The following ACD variants were observed in gnomAD, a reference collection of about 807,000 sequenced individuals.
ACD encodes adrenocortical dysplasia protein homolog.
ACD carries 39 observed loss-of-function variants against 53.9 expected under a neutral mutation model. The observed-to-expected ratio is 0.72, with a 90% CI of 0.56 to 0.95. The LOEUF (loss-of-function observed/expected upper bound fraction) is 0.95. ACD is among the 40% of genes least tolerant of loss of function. The probability of loss-of-function intolerance (pLI) is 0.00; values close to 1 mark genes in which losing one functional copy is unlikely to be tolerated. For missense variants in ACD, 526 were observed against 587.9 expected (o/e 0.89, Z 1.09); for synonymous variants, 273 against 249.2 (o/e 1.10, Z -0.90).
At chr16:67,659,134 G>A in intron 6 of ACD, 55 bp from the exon 7 acceptor site, 2 of 1,608,750 alleles carry the variant, frequency 1.2e-6, no homozygotes, top group Non-Finnish European at 1.7e-6. Context: ...GACCAGGAGG[G>A]TGAGGGGGAA....
intron 9 of ACD, 21 bp from the exon 10 acceptor site, chr16:67,658,383 T>TA: frequency 6.2e-7 from 1 of 1,613,184 alleles, no homozygotes; most frequent in Non-Finnish European, 8.5e-7. Context: ...GGGGACTTAT[T>TA]GTAGGCACAG....
At chr16:67,658,437 G>T in intron 9 of ACD, 75 bp from the exon 10 acceptor site, 1 of 1,606,956 alleles carries the variant, frequency 6.2e-7, no homozygotes, top group Non-Finnish European at 8.5e-7. Context: ...AGCTCAGACA[G>T]GACTGCAGGG....
chr16:67,658,950 G>A lies in ACD; in HGVS notation c.623C>T (p.Ala208Val). 1 of 1,613,900 alleles carries A rather than the reference G, an allele frequency of 6.2e-7. No homozygotes were observed. Among genetic ancestry groups the A allele is most frequent in the Non-Finnish European group, 8.5e-7 (1 of 1,179,982 alleles). ...PCTAPPVTHW[A>V]ASRCKATGEA... ...GACCGTGGCCTTGCATCGTGAGGCA[G>A]CCCAGTGGGTGACAGGGGGTGCTGT... The change falls in exon 7 of 12, where the codon GCT (alanine) becomes GTT (valine). Residue 208 changes from alanine to valine, a missense_variant. Physicochemically the swap from Ala to Val is moderately conservative, Grantham distance 64. Transcript: ENST00000620761.
chr16:67,660,216 G>A lies in ACD; in HGVS notation c.5C>T (p.Ala2Val), dbSNP rs1349871606. 1.9e-6 allele frequency: 3 copies of A among 1,612,666 alleles called. No individual in the cohort carries two copies. The highest frequency in any genetic ancestry group is 1.7e-6 in the Non-Finnish European group (2 of 1,179,898). M[A>V]GSGRLVLRPW... ...CCGTAGGACCAGCCTCCCCGAACCT[G>A]CCATCCCCACGGCTACACCCAGCGG... Residue 2 changes from alanine (A) to valine (V), a missense_variant, in exon 1 of 12, where the codon GCA becomes GTA. Transcript: ENST00000620761.
At position 67,659,279 on chromosome 16, in the gene ACD, G is replaced by A. The variant is rs1422483519; in HGVS notation, c.459-16C>T. 6.2e-7 allele frequency: 1 copy of A among 1,614,142 alleles called. No homozygotes were observed. The highest frequency in any genetic ancestry group is 1.6e-4 in the Middle Eastern group (1 of 6,062). ...AAGGTGCTCCCTACAGGAAGAGAGT[G>A]GCCAGGACTCAGGAACCATGCTGAG... is the stretch of plus-strand genomic sequence containing the variant. On this transcript the variant is annotated splice_polypyrimidine_tract_variant and intron_variant, in intron 5 of 11. Transcript: ENST00000620761.
chr16:67,659,699 C>T lies in ACD; in HGVS notation c.336+3G>A. ...ACCCGCCCAAGGCAGTCTCACCACT[C>T]ACCGCGCCGCCCTCAGCGACCTGGA... is the stretch of plus-strand genomic sequence containing the variant. On this transcript the variant is annotated splice_donor_region_variant and intron_variant, in intron 3 of 11. Transcript: ENST00000620761. 6.2e-7 allele frequency: 1 copy of T among 1,613,226 alleles called. No homozygotes were observed. The highest frequency in any genetic ancestry group is 8.5e-7 in the Non-Finnish European group (1 of 1,180,010).
chr16:67,659,785 CCTT>C lies in ACD; in HGVS notation c.250_252del (p.Lys84del), dbSNP rs797045144. ...CCCTCTGTCCCGCGGAAGCCGAACT[CCTT>C]CTCCTCCCTGCAACAAGCAGGATCC... On this transcript the variant is annotated inframe_deletion, in exon 3 of 12. Transcript: ENST00000620761. The C allele has an allele frequency of 6.2e-6, 10 of 1,607,348 alleles. No individual in the cohort carries two copies. The highest frequency in any genetic ancestry group is 7.7e-6 in the Non-Finnish European group (9 of 1,175,262).
At position 67,659,222 on chromosome 16, in the gene ACD, A is replaced by G. The variant is rs199626332; in HGVS notation, c.493+7T>C. The stretch of plus-strand genomic sequence containing the variant: ...GTGTTAGGATCACTGGTCAAGCTCT[A>G]CAGTACCTGCATTGGACGAGGTGGA... On this transcript the variant is annotated splice_region_variant and intron_variant, in intron 6 of 11. Transcript: ENST00000620761. 106 of 1,614,010 alleles carry G rather than the reference A, an allele frequency of 6.6e-5. No individual in the cohort carries two copies. The highest frequency in any genetic ancestry group is 5.3e-5 in the Non-Finnish European group (62 of 1,180,012).
chr16:67,659,465 CCCCATAGGCGT>C, intron 4 of ACD, 46 bp from the exon 5 acceptor site: 2 of 1,614,010 alleles, frequency 1.2e-6, no homozygotes, highest in Non-Finnish European at 1.7e-6. Context: ...AGCCCTCCTA[CCCCATAGGCGT>C]CTGCCAGCGC....
intron 9 of ACD, 33 bp downstream of exon 9, chr16:67,658,522 C>T (rs753542484): frequency 1.3e-6 from 2 of 1,568,574 alleles, no homozygotes; most frequent in South Asian, 1.2e-5. Flanking sequence ...TGACAGGCGG[C>T]AGTGAGTGCC....
Position 67,657,932 on chromosome 16 carries a change from T to C in ACD, c.1206+54A>G. On this transcript the variant is annotated intron_variant, in intron 10 of 11. Transcript: ENST00000620761. The surrounding 1 kb of genome is among the most constrained non-coding windows in gnomAD (Gnocchi z 4.5). ...AAGGCTACCCATGCTCCCTCCCAGCTCTACCTCAGGCCTTCCTTGTTCTAC... is the reference window on the plus strand; with the variant it reads ...AAGGCTACCCATGCTCCCTCCCAGCCCTACCTCAGGCCTTCCTTGTTCTAC... The C allele has an allele frequency of 6.2e-7, 1 of 1,607,864 alleles. No homozygotes were observed. The highest frequency in any genetic ancestry group is 8.5e-7 in the Non-Finnish European group (1 of 1,176,206).
At position 67,658,004 on chromosome 16, in the gene ACD, C is replaced by T. The variant is rs760169641; in HGVS notation, c.1188G>A (p.Gln396=). 6.4e-7 allele frequency: 1 copy of T among 1,554,834 alleles called. No individual in the cohort carries two copies. Among genetic ancestry groups the T allele is most frequent in the Non-Finnish European group, 8.7e-7 (1 of 1,150,050 alleles). ...TGCTCACCCAGACAGAGCAGGGCTC[C>T]TGGGCTCCCCTGGTAGCTCCGGTCC... ...FPRTGATRGA[Q]EPCSVWEPPK... Residue 396 remains glutamine, a synonymous_variant, in exon 10 of 12, where the codon CAG becomes CAA. Transcript: ENST00000620761.
Position 67,660,241 on chromosome 16 carries a change from G to A in ACD, c.-21C>T, listed in dbSNP as rs2052979537. 1 of 1,612,578 alleles carries A rather than the reference G, an allele frequency of 6.2e-7. No individual in the cohort carries two copies. The highest frequency in any genetic ancestry group is 8.5e-7 in the Non-Finnish European group (1 of 1,179,900). On this transcript the variant is annotated 5_prime_UTR_variant, in exon 1 of 12. Transcript: ENST00000620761. The stretch of plus-strand genomic sequence containing the variant: ...GCCATCCCCACGGCTACACCCAGCG[G>A]ATGCAACGGGCCCGGGTTTCCCGCG...
In ACD at chr16:67,659,036, CT is replaced by C. The variant is rs2142971508; in HGVS notation, c.536del (p.Gln179ArgfsTer15). ...GGCACACGAGTGCCCCCTGATGCTCCTGGTCCTCCCGCATTTCATCCAGAAG... is the reference window on the plus strand; with the variant it reads ...GGCACACGAGTGCCCCCTGATGCTCCGGTCCTCCCGCATTTCATCCAGAAG... ...SQLLDEMRED[Q>X]EHQGALVCLA... On this transcript the variant is annotated frameshift_variant, in exon 7 of 12. Transcript: ENST00000620761. LOFTEE classifies it high-confidence loss of function. The C allele has an allele frequency of 3.1e-6, 5 of 1,613,950 alleles. No homozygotes were observed. Among genetic ancestry groups the C allele is most frequent in the Non-Finnish European group, 3.4e-6 (4 of 1,180,014 alleles).
chr16:67,658,145 TGA>T lies in ACD; in HGVS notation c.1045_1046del (p.Ser349ThrfsTer3). 1 of 1,602,378 alleles carries T rather than the reference TGA, an allele frequency of 6.2e-7. No homozygotes were observed. The highest frequency in any genetic ancestry group is 8.5e-7 in the Non-Finnish European group (1 of 1,173,526). The part of the protein sequence containing the change: ...SPLQSCTPSL[S>X]PRSHVPSPHQ... ...GTGGACTGGGGACATGGCTACGGGG[TGA>T]GAGACTGGGAGTGCAGCTCTGGAGT... On this transcript the variant is annotated frameshift_variant, in exon 10 of 12. Transcript: ENST00000620761. LOFTEE classifies it high-confidence loss of function.
intron 7 of ACD, 37 bp from the exon 8 acceptor site, chr16:67,658,853 C>T: frequency 6.2e-7 from 1 of 1,600,690 alleles, no homozygotes; most frequent in Non-Finnish European, 8.5e-7. Context: ...GGCCCGTTTA[C>T]TCTCATGTCC....
chr16:67,658,886 A>G (rs772052587), intron 7 of ACD, 42 bp downstream of exon 7: 2 of 1,606,040 alleles, frequency 1.2e-6, no homozygotes, highest in Non-Finnish European at 1.7e-6. Flanking sequence ...CCCTTGCCCA[A>G]CTCCTCACCC....
chr16:67,659,417 T>G lies in ACD; in HGVS notation c.416A>C (p.Asn139Thr). ...EQPRLRVPGC[N>T]QDLDVQKKLY... is the part of the protein sequence containing the mutation. ...CTTTTTCTGAACATCTAAGTCTTGG[T>G]TGCTAAGAAAAAGAGAAGGGTAGTT... Residue 139 changes from asparagine (N) to threonine (T), a missense_variant and splice_region_variant, in exon 5 of 12, where the codon AAC becomes ACC. Asn to Thr is a moderately conservative substitution (Grantham distance 65, BLOSUM62 0). Transcript: ENST00000620761. 4 of 1,613,968 alleles carry G rather than the reference T, an allele frequency of 2.5e-6. No homozygotes were observed. The highest frequency in any genetic ancestry group is 2.5e-6 in the Non-Finnish European group (3 of 1,179,992).
rs747553547 is a variant in ACD at position 67,660,060 on chromosome 16, C to A, written c.100-15G>T. On this transcript the variant is annotated splice_polypyrimidine_tract_variant and intron_variant, in intron 1 of 11. Coordinates refer to ENST00000620761, the MANE Select transcript of ACD (RefSeq NM_001082486.2). The stretch of plus-strand genomic sequence containing the variant: ...TCCTGTAGTACCTGACGGCGGCGAG[C>A]GGCGTCAATCCCACCACCCCGGGCC... The A allele has an allele frequency of 4.4e-6, 7 of 1,607,998 alleles. No individual in the cohort carries two copies. Among genetic ancestry groups the A allele is most frequent in the Non-Finnish European group, 5.1e-6 (6 of 1,177,486 alleles).
Sources: allele counts gnomAD v4.1 joint callset, GRCh38; gene constraint gnomAD v4.1.1; non-coding constraint Gnocchi (gnomAD v3.1); transcripts MANE v1.5; gene names NCBI Gene and HGNC (gene_info 2026-07-23, HGNC 2026-07-21).